The following TBC1D5 variants were observed in gnomAD, a reference collection of about 807,000 sequenced individuals.
TBC1D5 encodes the protein TBC1 domain family, member 5.
A neutral mutation model predicts 100.3 loss-of-function variants in TBC1D5; 75 were observed. The ratio of observed to expected loss-of-function variants is 0.75; its 90% confidence interval spans 0.62 to 0.91. TBC1D5 has a LOEUF of 0.91. Ranked by LOEUF, TBC1D5 falls within the 40% of genes least tolerant of loss-of-function variation. The pLI, the probability that TBC1D5 is intolerant of heterozygous loss-of-function variation, is 0.00. For synonymous variants in TBC1D5, 323 were observed against 325.6 expected, an observed-to-expected ratio of 0.99 and a Z score of 0.09; for missense variants, 910 against 942.4, an observed-to-expected ratio of 0.97 and a Z score of 0.45.
At chr3:17,165,381 T>C (rs1447094919) in intron 21 of TBC1D5, among the ~76,000 whole-genome samples, 2 of 152,216 alleles carry the variant, frequency 1.3e-5, no homozygotes, top group South Asian at 2.1e-4. Flanking sequence ...TAGAAATGCA[T>C]TGTGGTTGGG....
intron 2 of TBC1D5, among the ~76,000 whole-genome samples, chr3:17,519,163 T>C (rs775667198): frequency 3.3e-5 from 5 of 152,174 alleles, no homozygotes; most frequent in Non-Finnish European, 7.3e-5. Flanking sequence ...ATGTAAAGTG[T>C]GTAAGGAGTC....
At chr3:17,639,975 A>G (rs1053029268) in intron 1 of TBC1D5, among the ~76,000 whole-genome samples, 2 of 152,170 alleles carry the variant, frequency 1.3e-5, no homozygotes, top group Admixed American at 1.3e-4. Context: ...ACATGAGATC[A>G]TGTATTTGCC....
At chr3:17,428,603 A>G (rs931986969) in intron 3 of TBC1D5, 84 bp from the exon 4 acceptor site, 3 of 582,750 alleles carry the variant, frequency 5.1e-6, no homozygotes, top group African/African-American at 3.9e-5. Context: ...TCTACGCAAT[A>G]TATTAGCCAA....
At position 17,738,199 on chromosome 3, in the gene TBC1D5, T is replaced by C. The variant is rs191876581; in HGVS notation, c.-101+1144A>G. ...GCATTACTATACCAATTTTGTATTTTCATCCAAAAAGTACAAACTCTGCTT... is the reference window on the plus strand; with the variant it reads ...GCATTACTATACCAATTTTGTATTTCCATCCAAAAAGTACAAACTCTGCTT... On this transcript the variant is annotated intron_variant, in intron 1 of 21. Transcript: ENST00000253692. 1.4e-4 allele frequency among the ~76,000 whole-genome samples: 21 copies of C among 152,340 alleles called. No individual in the cohort carries two copies. The East Asian group carries it at 3.3e-3, about 24-fold the overall frequency.
At chr3:17,217,474 AT>A (rs1340383499) in intron 17 of TBC1D5, among the ~76,000 whole-genome samples, 1 of 152,092 alleles carries the variant, frequency 6.6e-6, no homozygotes, top group Non-Finnish European at 1.5e-5. Flanking sequence ...TGACTACACC[AT>A]TTTACATTTC....
chr3:17,481,335 A>C (rs1206403632), intron 3 of TBC1D5, among the ~76,000 whole-genome samples: 3 of 152,198 alleles, frequency 2.0e-5, no homozygotes, highest in Non-Finnish European at 1.5e-5. Flanking sequence ...TTGGGTGAGT[A>C]GCACGAGCCA....
intron 2 of TBC1D5, among the ~76,000 whole-genome samples, chr3:17,612,183 C>T (rs1235631710): frequency 6.6e-6 from 1 of 151,234 alleles, no homozygotes; most frequent in Non-Finnish European, 1.5e-5. Context: ...ACCTGTAGTC[C>T]CAGTTACTTG....
At chr3:17,524,154 A>G (rs76747425) in intron 2 of TBC1D5, among the ~76,000 whole-genome samples, 2 of 152,212 alleles carry the variant, frequency 1.3e-5, no homozygotes, top group Non-Finnish European at 2.9e-5. Context: ...AATTTTATAC[A>G]TATACACAGC....
chr3:17,563,799 T>C (rs2096574735), intron 2 of TBC1D5, among the ~76,000 whole-genome samples: 1 of 152,244 alleles, frequency 6.6e-6, no homozygotes. Flanking sequence ...TTGGTTTTTT[T>C]TGAGACGGAG....
At chr3:17,600,855 C>A (rs2060891068) in intron 2 of TBC1D5, among the ~76,000 whole-genome samples, 1 of 152,084 alleles carries the variant, frequency 6.6e-6, no homozygotes, top group Non-Finnish European at 1.5e-5. Flanking sequence ...CAAAGTCAAT[C>A]TTTTTTTAAA....
intron 3 of TBC1D5, among the ~76,000 whole-genome samples, chr3:17,481,474 T>A (rs910652738): frequency 6.6e-6 from 1 of 152,258 alleles, no homozygotes; most frequent in Middle Eastern, 3.4e-3. Context: ...CATGACAACT[T>A]AAGCCTGTGA....
chr3:17,622,304 C>T (rs765986670), intron 2 of TBC1D5, among the ~76,000 whole-genome samples: 21 of 152,144 alleles, frequency 1.4e-4, no homozygotes, highest in Non-Finnish European at 2.8e-4. Flanking sequence ...GGCTGTGGAC[C>T]GGTCCCAGTC....
chr3:17,701,272 T>C (rs2073151330), intron 1 of TBC1D5, among the ~76,000 whole-genome samples: 2 of 152,004 alleles, frequency 1.3e-5, no homozygotes, highest in South Asian at 4.2e-4. Flanking sequence ...AGGTGGGACC[T>C]GAACGAGATC....
chr3:17,710,368 C>T (rs2074593024), intron 1 of TBC1D5, among the ~76,000 whole-genome samples: 1 of 151,906 alleles, frequency 6.6e-6, no homozygotes, highest in Non-Finnish European at 1.5e-5. Flanking sequence ...AGTTCAAGAC[C>T]AGCCTGACCA....
chr3:17,647,704 T>C (rs545578706), intron 1 of TBC1D5, among the ~76,000 whole-genome samples: 1 of 152,272 alleles, frequency 6.6e-6, no homozygotes, highest in African/African-American at 2.4e-5. Context: ...TGATATACTG[T>C]CTTAAGCCCA....
At chr3:17,325,173 C>T (rs1478636044) in intron 13 of TBC1D5, among the ~76,000 whole-genome samples, 1 of 150,704 alleles carries the variant, frequency 6.6e-6, no homozygotes, top group Non-Finnish European at 1.5e-5. Flanking sequence ...TGGTTTTATT[C>T]ATAATTGCTC....
chr3:17,368,720 T>C (rs1378612174), intron 13 of TBC1D5, among the ~76,000 whole-genome samples: 1 of 151,902 alleles, frequency 6.6e-6, no homozygotes, highest in East Asian at 1.9e-4. Flanking sequence ...TACTATAATT[T>C]ATAATTTTCT....
intron 2 of TBC1D5, among the ~76,000 whole-genome samples, chr3:17,543,866 G>GTTTT (rs376186298): frequency 6.9e-6 from 1 of 144,512 alleles, no homozygotes. Context: ...AAAGTTGTTT[G>GTTTT]TTTTTTTTTT....
chr3:17,445,255 G>T (rs954145453), intron 3 of TBC1D5, among the ~76,000 whole-genome samples: 1 of 151,984 alleles, frequency 6.6e-6, no homozygotes, highest in African/African-American at 2.4e-5. Context: ...GCTAAATCAG[G>T]CCAATAATGG....
Sources: gnomAD v4.1 joint callset for allele counts (sites outside exome capture counted in the v4.1 genomes callset) on GRCh38, gnomAD v4.1.1 for gene constraint, MANE v1.5 for transcripts, NCBI Gene and HGNC (gene_info 2026-07-23, HGNC 2026-07-21) for gene names.